Variants in HMCN2 observed in about 807,000 individuals in gnomAD.
HMCN2 encodes the protein hemicentin 2, also known as hemicentin-2.
HMCN2 carries 325 observed loss-of-function variants against 377.5 expected under a neutral mutation model. The observed-to-expected ratio is 0.86, with a 90% CI of 0.79 to 0.94. The LOEUF is 0.94. Among genes scored for constraint, HMCN2 ranks in the 40% least tolerant of loss-of-function variants. The pLI is 0.00. For missense variants in HMCN2, 4,543 were observed against 4,725.3 expected (o/e 0.96, Z 1.13); for synonymous variants, 2,007 against 2,046.8 (o/e 0.98, Z 0.53).
rs1030793619 is a variant in HMCN2 at position 130,433,745 on chromosome 9, G to A, written c.*52G>A. The A allele has an allele frequency of 1.1e-5, 15 of 1,337,572 alleles. No homozygotes were observed. Among genetic ancestry groups the A allele is most frequent in the African/African-American group, 3.1e-5 (2 of 64,156 alleles). 82.9% of individuals were successfully genotyped at this position (1,337,572 alleles called of 1,614,324 possible). ...TGGCGTGACCCCCGAGGAAGGGGTC[G>A]AGGAGAAGCTTGGTCCACGCCACCT... On this transcript the variant is annotated 3_prime_UTR_variant, in exon 98 of 98. Transcript: ENST00000683500.
In HMCN2 at chr9:130,353,069, C is replaced by T. The variant is rs1277856097; in HGVS notation, c.4728C>T (p.Ser1576=). Residue 1576 remains serine, a synonymous_variant, in exon 31 of 98, where the codon AGC becomes AGT. Coordinates refer to ENST00000683500, the MANE Select transcript of HMCN2 (RefSeq NM_001291815.2). ...WFKDGALLPT[S]TKVVYTRGGR... ...AGGACGGGGCCCTGCTCCCCACCAG[C>T]ACCAAGGTGGTCTACACTAGGGGCG... 1.5e-6 allele frequency: 2 copies of T among 1,304,226 alleles called. No homozygotes were observed. The allele number at this position is 1,304,226 out of a possible 1,614,324, so 80.8% of individuals were successfully genotyped here.
At chr9:130,344,362 GGTGT>G (rs1248933462) in intron 25 of HMCN2, among the ~76,000 whole-genome samples, 4 of 151,340 alleles carry the variant, frequency 2.6e-5, no homozygotes, top group African/African-American at 9.7e-5. Context: ...TGTAGTATGT[GGTGT>G]GTGTGTGTGG....
Position 130,303,348 on chromosome 9 carries a change from G to A in HMCN2, c.1422-139G>A. The A allele has an allele frequency of 3.4e-6, 1 of 294,358 alleles. No individual in the cohort carries two copies. The highest frequency in any genetic ancestry group is 7.1e-6 in the Non-Finnish European group (1 of 140,252). 18.2% of individuals were successfully genotyped at this position (294,358 alleles called of 1,614,324 possible). A position where few individuals can be genotyped will look rare whatever the true frequency, so the allele number is the denominator to read the frequency against. ...CATGTCATGGAATTTCCATGTGCTTGGCTGTGTATGTCTTCTTACCGCATC... is the reference window on the plus strand; with the variant it reads ...CATGTCATGGAATTTCCATGTGCTTAGCTGTGTATGTCTTCTTACCGCATC... On this transcript the variant is annotated intron_variant, in intron 9 of 97. Transcript: ENST00000683500. The surrounding 1 kb of genome is among the most constrained non-coding windows in gnomAD (Gnocchi z 5.2).
chr9:130,281,604 A>G (rs1369805090), intron 1 of HMCN2, among the ~76,000 whole-genome samples: 1 of 151,700 alleles, frequency 6.6e-6, no homozygotes, highest in South Asian at 2.1e-4. Flanking sequence ...TCTCAAAAAA[A>G]AAAAGGACTG....
At chr9:130,353,231 C>T (rs761846825) in intron 31 of HMCN2, 26 bp downstream of exon 31, 21 of 1,297,946 alleles carry the variant, frequency 1.6e-5, no homozygotes, top group African/African-American at 6.1e-5. Context: ...CCACGGCAGC[C>T]GGGGTGGGCA....
intron 49 of HMCN2, among the ~76,000 whole-genome samples, chr9:130,375,121 T>G (rs935330346): frequency 2.0e-5 from 3 of 152,180 alleles, no homozygotes; most frequent in African/African-American, 7.2e-5. Context: ...AAAAATCTGT[T>G]TCTAAAATGC....
At chr9:130,330,768 C>T (rs913721805) in intron 22 of HMCN2, among the ~76,000 whole-genome samples, 38,874 of 151,972 alleles carry the variant, frequency 0.26, 5,071 homozygotes, top group African/African-American at 0.29. Flanking sequence ...GTCCTCATCA[C>T]GGATTCCTTT....
chr9:130,382,856 A>C lies in HMCN2; in HGVS notation c.8723A>C (p.Gln2908Pro). 1 of 985,836 alleles carries C rather than the reference A, an allele frequency of 1.0e-6. No homozygotes were observed. The highest frequency in any genetic ancestry group is 1.2e-6 in the Non-Finnish European group (1 of 829,908). 61.1% of individuals were successfully genotyped at this position (985,836 alleles called of 1,614,324 possible). The change falls in exon 56 of 98, where the codon CAA (glutamine) becomes CCA (proline). Residue 2908 changes from glutamine (Q) to proline (P), a missense_variant. Physicochemically the swap from Gln to Pro is moderately conservative, Grantham distance 76. Transcript: ENST00000683500. ...SPRLQVLEDG[Q>P]VLQVSTAEVA... Reference sequence around the variant, plus strand: ...CGGCTGCAGGTCCTGGAGGACGGGCAAGTCTTGCAGGTCAGGGCAGCCCCC... The same window carrying C: ...CGGCTGCAGGTCCTGGAGGACGGGCCAGTCTTGCAGGTCAGGGCAGCCCCC...
At chr9:130,328,129 C>T (rs1838244034) in intron 22 of HMCN2, among the ~76,000 whole-genome samples, 1 of 152,196 alleles carries the variant, frequency 6.6e-6, no homozygotes, top group Admixed American at 6.5e-5. Context: ...AGCAGCCTGC[C>T]CTGTAACGTG....
At chr9:130,375,368 G>A (rs1223591808) in intron 49 of HMCN2, among the ~76,000 whole-genome samples, 195 bp from the exon 50 acceptor site, 1 of 152,148 alleles carries the variant, frequency 6.6e-6, no homozygotes, top group African/African-American at 2.4e-5. Flanking sequence ...TTGGAGAGCC[G>A]GGCTCTGGGT....
intron 31 of HMCN2, among the ~76,000 whole-genome samples, chr9:130,353,984 G>A (rs1221486866): frequency 6.6e-6 from 1 of 152,108 alleles, no homozygotes; most frequent in Non-Finnish European, 1.5e-5. Flanking sequence ...AAGGGCAGCT[G>A]AGCTGCATGG....
chr9:130,271,325 C>T (rs1318039130), intron 1 of HMCN2, among the ~76,000 whole-genome samples: 4 of 148,900 alleles, frequency 2.7e-5, no homozygotes, highest in South Asian at 2.2e-4. Flanking sequence ...CCATGATCCA[C>T]GTCCTTGGTG....
At chr9:130,300,381 C>A (rs1836442530) in intron 8 of HMCN2, among the ~76,000 whole-genome samples, 1 of 152,252 alleles carries the variant, frequency 6.6e-6, no homozygotes, top group South Asian at 2.1e-4. Context: ...CAGACATGGA[C>A]TTTTGCTCTT....
chr9:130,397,553 C>T lies in HMCN2; in HGVS notation c.11224C>T (p.Leu3742=). The change falls in exon 74 of 98, where the codon CTG becomes TTG. Residue 3742 remains leucine, a synonymous_variant. Transcript: ENST00000683500. The part of the protein sequence containing the change: ...PRFEILPEGS[L]RIQPVLAQDA... Reference sequence around the variant, plus strand: ...GTTTGAAATTCTGCCTGAGGGTTCCCTGAGAATCCAGCCAGTCCTTGCCCA... The same window carrying T: ...GTTTGAAATTCTGCCTGAGGGTTCCTTGAGAATCCAGCCAGTCCTTGCCCA... The T allele has an allele frequency of 7.0e-6, 9 of 1,289,834 alleles. No individual in the cohort carries two copies. The highest frequency in any genetic ancestry group is 9.1e-6 in the Non-Finnish European group (9 of 988,878). The allele number at this position is 1,289,834 out of a possible 1,614,324, so 79.9% of individuals were successfully genotyped here.
chr9:130,315,793 A>C (rs1036008336), intron 15 of HMCN2, among the ~76,000 whole-genome samples: 4 of 152,094 alleles, frequency 2.6e-5, no homozygotes, highest in Admixed American at 6.5e-5. Flanking sequence ...GCCTTCTCTC[A>C]GGTCCTCTCG....
rs979073382 is a variant in HMCN2, at chr9:130,357,490, A to G, written c.5426-344A>G. 3.5e-5 allele frequency among the ~76,000 whole-genome samples: 5 copies of G among 142,178 alleles called. No individual in the cohort carries two copies. The South Asian group carries it at 1.2e-3, about 35-fold the overall frequency. The allele number at this position is 142,178 out of a possible 152,430, so 93.3% of individuals were successfully genotyped here. A position where few individuals can be genotyped will look rare whatever the true frequency, so the allele number is the denominator to read the frequency against. ...GATGGATGGAAGGGTGAGTGGGTGG[A>G]TGGCTAGCTGGATGGATTGGTAGAT... On this transcript the variant is annotated intron_variant, in intron 34 of 97. Coordinates refer to ENST00000683500, the MANE Select transcript of HMCN2 (RefSeq NM_001291815.2).
At chr9:130,292,864 C>T (rs552055563) in intron 4 of HMCN2, among the ~76,000 whole-genome samples, 5 of 152,264 alleles carry the variant, frequency 3.3e-5, no homozygotes, top group African/African-American at 7.2e-5. Context: ...AAGGAACCCT[C>T]GTGGGGAATG....
intron 22 of HMCN2, among the ~76,000 whole-genome samples, chr9:130,334,723 TC>T (rs1200370575): frequency 1.2e-4 from 7 of 60,582 alleles, no homozygotes; most frequent in Non-Finnish European, 3.6e-4. Context: ...CTCTCTCTCT[TC>T]TCTCTTTCTC....
intron 83 of HMCN2, among the ~76,000 whole-genome samples, chr9:130,408,187 G>A (rs6597657): frequency 5.9e-5 from 9 of 152,226 alleles, no homozygotes; most frequent in Admixed American, 1.3e-4. Flanking sequence ...TGGATGGGGG[G>A]AATGAACAGC....
Sources: gnomAD v4.1 joint callset for allele counts (sites outside exome capture counted in the v4.1 genomes callset) on GRCh38, gnomAD v4.1.1 for gene constraint, Gnocchi (gnomAD v3.1) non-coding constraint, MANE v1.5 for transcripts, NCBI Gene and HGNC (gene_info 2026-07-23, HGNC 2026-07-21) for gene names.